The following SLC6A6 variants were observed in gnomAD, a reference collection of about 807,000 sequenced individuals.
The protein encoded by SLC6A6 is solute carrier family 6 member 6, also known as sodium- and chloride-dependent taurine transporter.
SLC6A6 carries 16 observed loss-of-function variants against 68.8 expected under a neutral mutation model. That is an observed-to-expected ratio of 0.23 (90% confidence interval 0.16 to 0.35). The LOEUF is 0.35. SLC6A6 is among the 10% of genes least tolerant of loss of function. The probability of loss-of-function intolerance (pLI) is 1.00; values close to 1 mark genes in which losing one functional copy is unlikely to be tolerated. For missense variants in SLC6A6, 474 were observed against 802.8 expected (o/e 0.59, Z 4.95); for synonymous variants, 312 against 315.4 (o/e 0.99, Z 0.12).
intron 5 of SLC6A6, among the ~76,000 whole-genome samples, chr3:14,449,275 T>G (rs752341704): frequency 6.6e-6 from 1 of 152,250 alleles, no homozygotes; most frequent in Non-Finnish European, 1.5e-5. Context: ...TTAGGCCCAC[T>G]GTCACTGGGG....
rs558961853 is a variant in SLC6A6, at chr3:14,468,490, C to T, written c.1096+278C>T. Reference sequence around the variant, plus strand: ...GCTACCTTAGTGTGGTCTTCCCCGCCCCCCCGTCCTTCCCCAGCAAACTCC... The same window carrying T: ...GCTACCTTAGTGTGGTCTTCCCCGCTCCCCCGTCCTTCCCCAGCAAACTCC... On this transcript the variant is annotated intron_variant, in intron 9 of 14. Transcript: ENST00000622186. The surrounding 1 kb of genome is among the most constrained non-coding windows in gnomAD (Gnocchi z 4.5). Among the ~76,000 whole-genome samples the T allele has an allele frequency of 7.9e-5, 12 of 152,136 alleles. No homozygotes were observed. Among genetic ancestry groups the T allele is most frequent in the South Asian group, 4.2e-4 (2 of 4,810 alleles).
At position 14,467,998 on chromosome 3, in the gene SLC6A6, T is replaced by G. The variant is rs754934963; in HGVS notation, c.971+42T>G. ...CGGGCCTGGTGGACTTTAGAAATGA[T>G]GATGATGATGTTTAAAGAAAAAGAG... is the stretch of plus-strand genomic sequence containing the variant. On this transcript the variant is annotated intron_variant, in intron 8 of 14. Coordinates refer to ENST00000622186, the MANE Select transcript of SLC6A6 (RefSeq NM_003043.6). 5.0e-6 allele frequency: 8 copies of G among 1,607,906 alleles called. No individual in the cohort carries two copies. The African/African-American group carries it at 1.1e-4, about 22-fold the overall frequency.
rs373157446 is a variant in SLC6A6, at chr3:14,447,831, T to C, written c.599+15T>C. 27 of 1,613,802 alleles carry C rather than the reference T, an allele frequency of 1.7e-5. No individual in the cohort carries two copies. The highest frequency in any genetic ancestry group is 1.6e-4 in the Middle Eastern group (1 of 6,084). ...GAGTTCTGGGAGTAAGGCCACCTCA[T>C]TGAAGCAAGGAGGAGGACATGGGTG... On this transcript the variant is annotated intron_variant, in intron 5 of 14. Transcript: ENST00000622186.
chr3:14,481,614 G>GC lies in SLC6A6; in HGVS notation c.1552-51dup. 2 of 1,223,062 alleles carry GC rather than the reference G, an allele frequency of 1.6e-6. No individual in the cohort carries two copies. The highest frequency in any genetic ancestry group is 1.8e-5 in the Admixed American group (1 of 54,602). The allele number at this position is 1,223,062 out of a possible 1,614,324, so 75.8% of individuals were successfully genotyped here. A position where few individuals can be genotyped will look rare whatever the true frequency, so the allele number is the denominator to read the frequency against. On this transcript the variant is annotated intron_variant, in intron 13 of 14. Transcript: ENST00000622186. This position sits in a 1 kb window ranked among gnomAD's most constrained non-coding sequence, Gnocchi z 4.7. The stretch of plus-strand genomic sequence containing the variant: ...GTTGAGGCCAGTCCTAGTCCCAGAA[G>GC]CCCCCCACCCCCCGATGCCCAGGAC...
intron 2 of SLC6A6, among the ~76,000 whole-genome samples, chr3:14,420,449 G>T (rs1369373190): frequency 1.3e-5 from 2 of 151,588 alleles, no homozygotes; most frequent in Non-Finnish European, 2.9e-5. Context: ...CATAGTGATG[G>T]GAAATTGGCT....
At chr3:14,424,669 A>T (rs1006194833) in intron 2 of SLC6A6, among the ~76,000 whole-genome samples, 6 of 152,228 alleles carry the variant, frequency 3.9e-5, no homozygotes, top group Non-Finnish European at 8.8e-5. Flanking sequence ...CATGGTTCCA[A>T]CTGCCCCTTA....
At position 14,402,871 on chromosome 3, in the gene SLC6A6, G is replaced by A. The variant is rs1699016863; in HGVS notation, c.-54+24G>A. 5.1e-6 allele frequency: 2 copies of A among 393,552 alleles called. No individual in the cohort carries two copies. The highest frequency in any genetic ancestry group is 3.6e-5 in the East Asian group (1 of 27,702). 24.4% of individuals were successfully genotyped at this position (393,552 alleles called of 1,614,324 possible). On this transcript the variant is annotated intron_variant, in intron 1 of 14. Coordinates refer to ENST00000622186, the MANE Select transcript of SLC6A6 (RefSeq NM_003043.6). The surrounding 1 kb of genome is among the most constrained non-coding windows in gnomAD (Gnocchi z 4.8). Reference sequence around the variant, plus strand: ...AGGTACCGGAGGGACCGGGAGCTGGGCGCGCAGCCGGCGCTGCCCGCCGTC... The same window carrying A: ...AGGTACCGGAGGGACCGGGAGCTGGACGCGCAGCCGGCGCTGCCCGCCGTC...
chr3:14,453,092 C>CGGGACG (rs1326115614), intron 5 of SLC6A6, among the ~76,000 whole-genome samples: 3 of 152,238 alleles, frequency 2.0e-5, no homozygotes, highest in African/African-American at 7.2e-5. Context: ...TCTGGGCGGA[C>CGGGACG]GGGCCCTTTT....
chr3:14,480,120 G>C (rs1366958640), intron 13 of SLC6A6, among the ~76,000 whole-genome samples: 1 of 152,214 alleles, frequency 6.6e-6, no homozygotes, highest in Non-Finnish European at 1.5e-5. Flanking sequence ...GTAAAACCAG[G>C]AGACTGTGAA....
Position 14,485,550 on chromosome 3 carries a change from A to C in SLC6A6, c.*543A>C, listed in dbSNP as rs1701136228. 6.5e-6 allele frequency: 1 copy of C among 152,784 alleles called. No individual in the cohort carries two copies. The highest frequency in any genetic ancestry group is 2.4e-5 in the African/African-American group (1 of 41,410). 9.5% of individuals were successfully genotyped at this position (152,784 alleles called of 1,614,324 possible). A position where few individuals can be genotyped will look rare whatever the true frequency, so the allele number is the denominator to read the frequency against. ...TGGTTCAGATGGAAGAAATAGCAGG[A>C]GAGAGGACCCATTAGCTGGCAGACC... On this transcript the variant is annotated 3_prime_UTR_variant, in exon 15 of 15. Transcript: ENST00000622186.
intron 2 of SLC6A6, among the ~76,000 whole-genome samples, chr3:14,440,412 A>C (rs994337852): frequency 3.3e-5 from 5 of 152,016 alleles, no homozygotes; most frequent in African/African-American, 4.8e-5. Flanking sequence ...GGAGGGACTA[A>C]AGCAGTTCTG....
At chr3:14,442,866 A>AG (rs1559297575) in intron 2 of SLC6A6, among the ~76,000 whole-genome samples, 1 of 152,234 alleles carries the variant, frequency 6.6e-6, no homozygotes, top group East Asian at 1.9e-4. Context: ...AGCAAGCCAG[A>AG]GGATGGTTAG....
intron 2 of SLC6A6, among the ~76,000 whole-genome samples, chr3:14,419,199 A>T (rs1384444435): frequency 6.6e-6 from 1 of 152,210 alleles, no homozygotes; most frequent in Non-Finnish European, 1.5e-5. Context: ...GACTTATCTG[A>T]TGCTCCTCCA....
intron 2 of SLC6A6, among the ~76,000 whole-genome samples, chr3:14,431,399 G>A (rs775320607): frequency 1.3e-5 from 2 of 152,192 alleles, no homozygotes; most frequent in East Asian, 1.9e-4. Context: ...AGCAGGACCC[G>A]GGTGACTGGG....
intron 3 of SLC6A6, 77 bp from the exon 4 acceptor site, chr3:14,445,640 C>T (rs993902827): frequency 2.4e-5 from 37 of 1,524,216 alleles, no homozygotes; most frequent in Non-Finnish European, 2.9e-5. Flanking sequence ...GTTCCATTGG[C>T]TGGGAGGGCT....
intron 1 of SLC6A6, among the ~76,000 whole-genome samples, chr3:14,405,061 G>A (rs1239458190): frequency 2.0e-5 from 3 of 152,196 alleles, no homozygotes; most frequent in Non-Finnish European, 4.4e-5. Flanking sequence ...GTTTCAAAAG[G>A]TTTTCCCTAG....
At position 14,402,680 on chromosome 3, in the gene SLC6A6, C is replaced by T. The variant is rs1354383000; in HGVS notation, c.-221C>T. 1 of 398,318 alleles carries T rather than the reference C, an allele frequency of 2.5e-6. No homozygotes were observed. The highest frequency in any genetic ancestry group is 1.3e-4 in the South Asian group (1 of 7,870). 24.7% of individuals were successfully genotyped at this position (398,318 alleles called of 1,614,324 possible). ...TTATAAATTACCGCTTCCTTCGCGCCGCCGCCAACGCCGAGCCCCGAGGAC... is the reference window on the plus strand; with the variant it reads ...TTATAAATTACCGCTTCCTTCGCGCTGCCGCCAACGCCGAGCCCCGAGGAC... On this transcript the variant is annotated 5_prime_UTR_variant, in exon 1 of 15. Transcript: ENST00000622186. This position sits in a 1 kb window ranked among gnomAD's most constrained non-coding sequence, Gnocchi z 4.8.
chr3:14,481,370 T>C lies in SLC6A6; in HGVS notation c.1552-301T>C, dbSNP rs1190328234. 6.6e-6 allele frequency among the ~76,000 whole-genome samples: 1 copy of C among 152,024 alleles called. No individual in the cohort carries two copies. The highest frequency in any genetic ancestry group is 2.4e-5 in the African/African-American group (1 of 41,392). ...TGGAGTGTGGACACGGAGGGAGAGT[T>C]GAGGCAGATGAGGGAGGAAGGGGTA... On this transcript the variant is annotated intron_variant, in intron 13 of 14. Transcript: ENST00000622186. The surrounding 1 kb of genome is among the most constrained non-coding windows in gnomAD (Gnocchi z 4.7).
chr3:14,463,846 AGCCTGTCAGTGTCGGAGAGCCATCCT>A (rs1049338374), intron 6 of SLC6A6, among the ~76,000 whole-genome samples: 5 of 152,196 alleles, frequency 3.3e-5, no homozygotes, highest in Non-Finnish European at 7.3e-5. Context: ...AGTAGGGCCC[AGCCTGTCAGTGTCGGAGAGCCATCCT>A]GACAGTGCCG....
Sources: allele counts gnomAD v4.1 joint callset (sites outside exome capture counted in the v4.1 genomes callset), GRCh38; gene constraint gnomAD v4.1.1; non-coding constraint Gnocchi (gnomAD v3.1); transcripts MANE v1.5; gene names NCBI Gene and HGNC (gene_info 2026-07-23, HGNC 2026-07-21).